OGDH: variants seen among roughly 807,000 people sequenced by gnomAD.
OGDH encodes 2-oxoglutarate dehydrogenase complex component E1.
In OGDH, 38 loss-of-function variants were observed where a neutral mutation model predicts 116.6. The observed-to-expected ratio is 0.33, with a 90% CI of 0.25 to 0.43. OGDH has a LOEUF of 0.43. OGDH is among the 20% of genes least tolerant of loss of function. The pLI, the probability that OGDH is intolerant of heterozygous loss-of-function variation, is 1.00. For synonymous variants in OGDH, 488 were observed against 533.3 expected (o/e 0.92, Z 1.17); for missense variants, 825 against 1,357.2 (o/e 0.61, Z 6.16).
chr7:44,662,906 G>C lies in OGDH; in HGVS notation c.518-3830G>C, dbSNP rs542444854. ...TGTTTTTCAGAAGTTTAATTATCAT[G>C]TGTTTTGGCATGGATTTCTTTGGGA... is the stretch of plus-strand genomic sequence containing the variant. On this transcript the variant is annotated intron_variant, in intron 4 of 22. Transcript: ENST00000222673. 3.3e-5 allele frequency among the ~76,000 whole-genome samples: 5 copies of C among 151,520 alleles called. No homozygotes were observed. The South Asian group carries it at 1.0e-3, about 32-fold the overall frequency.
intron 10 of OGDH, among the ~76,000 whole-genome samples, chr7:44,688,302 C>T (rs1011158523): frequency 5.3e-5 from 8 of 151,516 alleles, no homozygotes; most frequent in Non-Finnish European, 1.2e-4. Context: ...ACCTGGGAGG[C>T]GGAGATTGCG....
chr7:44,663,646 G>T (rs1049547321), intron 4 of OGDH, among the ~76,000 whole-genome samples: 2 of 152,324 alleles, frequency 1.3e-5, no homozygotes, highest in East Asian at 3.9e-4. Flanking sequence ...GTGCACGCCT[G>T]TAGTCCCAGC....
chr7:44,690,674 C>T (rs765719452), intron 10 of OGDH, among the ~76,000 whole-genome samples: 49 of 152,174 alleles, frequency 3.2e-4, no homozygotes, highest in Non-Finnish European at 6.2e-4. Context: ...AGTGCACCTC[C>T]GTCATGTGTG....
At chr7:44,666,944 C>A in intron 5 of OGDH, 93 bp downstream of exon 5, 2 of 717,930 alleles carry the variant, frequency 2.8e-6, no homozygotes, top group Non-Finnish European at 4.5e-6. Flanking sequence ...TTTCTTTGTC[C>A]TATCTTTCTA....
chr7:44,653,675 G>A (rs1029114492), intron 4 of OGDH, among the ~76,000 whole-genome samples: 1 of 151,336 alleles, frequency 6.6e-6, no homozygotes. Context: ...ACAGGCATGC[G>A]CCACCACACC....
chr7:44,671,095 A>G (rs1419580698), intron 5 of OGDH, among the ~76,000 whole-genome samples: 1 of 152,120 alleles, frequency 6.6e-6, no homozygotes, highest in Non-Finnish European at 1.5e-5. Flanking sequence ...ATAAAGTATA[A>G]AGGAATATCT....
At chr7:44,631,702 G>T (rs894529122) in intron 2 of OGDH, among the ~76,000 whole-genome samples, 1 of 152,228 alleles carries the variant, frequency 6.6e-6, no homozygotes, top group Non-Finnish European at 1.5e-5. Context: ...TGTGTTCGAA[G>T]CTTGTGCTGA....
intron 2 of OGDH, among the ~76,000 whole-genome samples, chr7:44,642,013 G>A (rs1321886679): frequency 6.6e-6 from 1 of 152,206 alleles, no homozygotes; most frequent in Non-Finnish European, 1.5e-5. Flanking sequence ...CATGTTGGAG[G>A]AGAACACTGA....
At chr7:44,633,468 T>G (rs772265178) in intron 2 of OGDH, among the ~76,000 whole-genome samples, 10 of 152,154 alleles carry the variant, frequency 6.6e-5, no homozygotes, top group Admixed American at 4.6e-4. Context: ...AAAAGGTTAG[T>G]GCCGGTTTTT....
At chr7:44,607,841 A>G (rs749349263) in intron 1 of OGDH, among the ~76,000 whole-genome samples, 21 of 152,006 alleles carry the variant, frequency 1.4e-4, no homozygotes, top group African/African-American at 7.2e-5. Flanking sequence ...AGCTGATATT[A>G]CAGGCACGCG....
At position 44,698,179 on chromosome 7, in the gene OGDH, T is replaced by C. The variant is rs1435953997; in HGVS notation, c.2359-13T>C. On this transcript the variant is annotated splice_polypyrimidine_tract_variant and intron_variant, in intron 17 of 22. Coordinates refer to ENST00000222673, the MANE Select transcript of OGDH (RefSeq NM_002541.4). ...AAGAGCTCTTAAACTGTAACTTGCG[T>C]GTGTGGTTCCAGGGTCCAGAACATT... is the stretch of plus-strand genomic sequence containing the variant. The C allele has an allele frequency of 6.2e-7, 1 of 1,613,954 alleles. No homozygotes were observed. Among genetic ancestry groups the C allele is most frequent in the African/African-American group, 1.3e-5 (1 of 74,904 alleles).
Position 44,707,848 on chromosome 7 carries a change from G to T in OGDH, c.2952-31G>T. The T allele has an allele frequency of 6.2e-7, 1 of 1,609,584 alleles. No individual in the cohort carries two copies. Among genetic ancestry groups the T allele is most frequent in the Non-Finnish European group, 8.5e-7 (1 of 1,177,922 alleles). The stretch of plus-strand genomic sequence containing the variant: ...GGGCTGGGCCAACTCAGTGTCCCCT[G>T]CCCTCACTGCCCCCTCCCTCCATCT... On this transcript the variant is annotated intron_variant, in intron 22 of 22. Coordinates refer to ENST00000222673, the MANE Select transcript of OGDH (RefSeq NM_002541.4). This position sits in a 1 kb window ranked among gnomAD's most constrained non-coding sequence, Gnocchi z 5.2.
At chr7:44,672,415 T>G (rs918262306) in intron 5 of OGDH, among the ~76,000 whole-genome samples, 2 of 152,138 alleles carry the variant, frequency 1.3e-5, no homozygotes, top group Admixed American at 6.5e-5. Context: ...ACACTCTAAG[T>G]ACTCTGGCAG....
In OGDH at chr7:44,675,162, C is replaced by G; in HGVS notation, c.936-16C>G. ...GACCTCAGGCTCTGCTCACCCTACT[C>G]GCCCATACGTTCCAGAGGGCGGCTG... On this transcript the variant is annotated splice_polypyrimidine_tract_variant and intron_variant, in intron 7 of 22. Coordinates refer to ENST00000222673, the MANE Select transcript of OGDH (RefSeq NM_002541.4). 1 of 1,609,424 alleles carries G rather than the reference C, an allele frequency of 6.2e-7. No individual in the cohort carries two copies. The highest frequency in any genetic ancestry group is 1.1e-5 in the South Asian group (1 of 90,914).
At chr7:44,614,199 A>G (rs1478539530) in intron 1 of OGDH, among the ~76,000 whole-genome samples, 1 of 136,296 alleles carries the variant, frequency 7.3e-6, no homozygotes, top group African/African-American at 2.8e-5. Flanking sequence ...CTATCCTTTC[A>G]CCTCAGCCTC....
chr7:44,656,486 T>G (rs1786696733), intron 4 of OGDH: 1 of 816,504 alleles, frequency 1.2e-6, no homozygotes, highest in Non-Finnish European at 2.0e-6. Flanking sequence ...GTTTTTAAGT[T>G]TGTTAATTGT....
chr7:44,656,303 C>CA, intron 4 of OGDH: 1 of 1,535,872 alleles, frequency 6.5e-7, no homozygotes, highest in Non-Finnish European at 8.7e-7. Flanking sequence ...CATGATACCC[C>CA]ACTCTGCCTC....
At chr7:44,616,675 A>T in intron 1 of OGDH, among the ~76,000 whole-genome samples, 1 of 148,018 alleles carries the variant, frequency 6.8e-6, no homozygotes, top group East Asian at 2.0e-4. Flanking sequence ...ATATACGTAT[A>T]TATACACATA....
intron 4 of OGDH, among the ~76,000 whole-genome samples, chr7:44,654,942 C>T (rs896239930): frequency 7.2e-5 from 11 of 152,204 alleles, no homozygotes; most frequent in Admixed American, 2.6e-4. Context: ...AATCTGTGTG[C>T]TTTCTGTAAA....
Sources: gnomAD v4.1 joint callset for allele counts (sites outside exome capture counted in the v4.1 genomes callset) on GRCh38, gnomAD v4.1.1 for gene constraint, Gnocchi (gnomAD v3.1) non-coding constraint, MANE v1.5 for transcripts, NCBI Gene and HGNC (gene_info 2026-07-23, HGNC 2026-07-21) for gene names.